The following PLEKHA5 variants were observed in gnomAD, a reference collection of about 807,000 sequenced individuals.
PLEKHA5 encodes pleckstrin homology domain containing A5, also known as pleckstrin homology domain-containing family A member 5.
PLEKHA5 carries 55 observed loss-of-function variants against 181.9 expected under a neutral mutation model. The ratio of observed to expected loss-of-function variants is 0.30; its 90% CI spans 0.24 to 0.38. PLEKHA5 has a LOEUF of 0.38. Ranked by LOEUF, PLEKHA5 falls within the 10% of genes least tolerant of loss-of-function variation. The probability of loss-of-function intolerance (pLI) is 1.00; values close to 1 mark genes in which losing one functional copy is unlikely to be tolerated. For synonymous variants in PLEKHA5, 535 were observed against 529.4 expected, an observed-to-expected ratio of 1.01 and a Z score of -0.15; for missense variants, 1,432 against 1,549.5, an observed-to-expected ratio of 0.92 and a Z score of 1.27.
In PLEKHA5 at chr12:19,322,538, G is replaced by GCT. The variant is rs2091135135; in HGVS notation, c.2320_2321dup (p.Ser775TyrfsTer7). ...AATAGTACACGCTTGAGCAAGCTTT[G>GCT]CTATCAGCCAGCCAAGAGATAGAAA... On this transcript the variant is annotated frameshift_variant, in exon 20 of 32. Coordinates refer to ENST00000429027, the MANE Select transcript of PLEKHA5 (RefSeq NM_001256470.2). LOFTEE classifies it high-confidence loss of function. 6.2e-7 allele frequency: 1 copy of GCT among 1,613,888 alleles called. No homozygotes were observed. The highest frequency in any genetic ancestry group is 8.5e-7 in the Non-Finnish European group (1 of 1,179,920).
chr12:19,287,652 G>T (rs1194707852), intron 13 of PLEKHA5, 96 bp downstream of exon 13: 12 of 724,970 alleles, frequency 1.7e-5, no homozygotes, highest in South Asian at 1.4e-4. Context: ...ATTTTCAGAG[G>T]TTCTCCCAAA....
chr12:19,261,818 A>G (rs74918539), intron 7 of PLEKHA5, among the ~76,000 whole-genome samples: 58 of 152,320 alleles, frequency 3.8e-4, no homozygotes, highest in Non-Finnish European at 6.9e-4. Context: ...CAGTTTCTAC[A>G]TTTTTTGACT....
intron 15 of PLEKHA5, among the ~76,000 whole-genome samples, chr12:19,311,080 A>G (rs1462860516): frequency 6.6e-6 from 1 of 151,956 alleles, no homozygotes; most frequent in Non-Finnish European, 1.5e-5. Context: ...TCACGAAAAC[A>G]TTTCTCTGTA....
At chr12:19,131,812 A>G (rs1255807012) in intron 2 of PLEKHA5, among the ~76,000 whole-genome samples, 3 of 152,172 alleles carry the variant, frequency 2.0e-5, no homozygotes, top group African/African-American at 4.8e-5. Flanking sequence ...CATAATGACC[A>G]TTGTTCACCT....
rs1592685902 is a variant in PLEKHA5 at position 19,375,559 on chromosome 12, A to G, written c.*40A>G. On this transcript the variant is annotated 3_prime_UTR_variant, in exon 32 of 32. Coordinates refer to ENST00000429027, the MANE Select transcript of PLEKHA5 (RefSeq NM_001256470.2). ...TACTGACTTCTGTTGAAACCATTCAAAGCTAAAGACATGGACCTTCAGCAG... is the reference window on the plus strand; with the variant it reads ...TACTGACTTCTGTTGAAACCATTCAGAGCTAAAGACATGGACCTTCAGCAG... 2 of 152,700 alleles carry G rather than the reference A, an allele frequency of 1.3e-5. No individual in the cohort carries two copies. The highest frequency in any genetic ancestry group is 1.3e-4 in the Admixed American group (2 of 15,280). 9.5% of individuals were successfully genotyped at this position (152,700 alleles called of 1,614,324 possible).
chr12:19,244,888 T>G (rs1244056077), intron 3 of PLEKHA5, among the ~76,000 whole-genome samples: 1 of 152,206 alleles, frequency 6.6e-6, no homozygotes, highest in Non-Finnish European at 1.5e-5. Flanking sequence ...AATTTCAATA[T>G]TCTTTTAAAA....
chr12:19,218,733 A>G (rs2058425175), intron 3 of PLEKHA5, among the ~76,000 whole-genome samples: 1 of 152,068 alleles, frequency 6.6e-6, no homozygotes, highest in South Asian at 2.1e-4. Context: ...CAGTTGATAG[A>G]AAGGTTGCCT....
chr12:19,130,304 A>T lies in PLEKHA5; in HGVS notation c.169+174A>T, dbSNP rs2033165231. On this transcript the variant is annotated intron_variant, in intron 2 of 31. Transcript: ENST00000429027. The surrounding 1 kb of genome is among the most constrained non-coding windows in gnomAD (Gnocchi z 4.5). ...GGGCCACGGGGACTCCGCCGCCGGG[A>T]GTTCTCTCCAGTCTCGGGGCGCCTC... 6.6e-6 allele frequency among the ~76,000 whole-genome samples: 1 copy of T among 151,736 alleles called. No individual in the cohort carries two copies. Among genetic ancestry groups the T allele is most frequent in the Admixed American group, 6.6e-5 (1 of 15,250 alleles).
chr12:19,284,179 C>T (rs1334443891), intron 12 of PLEKHA5, among the ~76,000 whole-genome samples: 1 of 152,158 alleles, frequency 6.6e-6, no homozygotes, highest in Admixed American at 6.5e-5. Context: ...AGCGATTCTC[C>T]TTCCTCAGCC....
chr12:19,375,199 C>T (rs2095687257), intron 31 of PLEKHA5, among the ~76,000 whole-genome samples: 1 of 151,942 alleles, frequency 6.6e-6, no homozygotes, highest in South Asian at 2.1e-4. Context: ...TGATATGTGC[C>T]TGTAATCCCA....
intron 3 of PLEKHA5, among the ~76,000 whole-genome samples, chr12:19,250,944 G>A (rs1046179942): frequency 2.0e-5 from 3 of 152,136 alleles, no homozygotes; most frequent in South Asian, 2.1e-4. Context: ...CTTCATTAGT[G>A]ACACATGGGA....
intron 21 of PLEKHA5, among the ~76,000 whole-genome samples, chr12:19,342,897 A>ACCTTTTTCT (rs1565640885): frequency 6.6e-6 from 1 of 152,094 alleles, no homozygotes; most frequent in Non-Finnish European, 1.5e-5. Context: ...AAGTTAGTAC[A>ACCTTTTTCT]CCTTCCATTT....
Position 19,345,047 on chromosome 12 carries a change from G to A in PLEKHA5, c.2663-795G>A, listed in dbSNP as rs763820603. 5.3e-5 allele frequency among the ~76,000 whole-genome samples: 8 copies of A among 151,786 alleles called. No homozygotes were observed. In the East Asian group the frequency reaches 1.2e-3, roughly 22 times the overall value. ...TGAGGCAAGAGAATCTCTTGAACCC[G>A]GGAGGCAGAGATCACGCCACTGCAC... is the stretch of plus-strand genomic sequence containing the variant. On this transcript the variant is annotated intron_variant, in intron 22 of 31. Coordinates refer to ENST00000429027, the MANE Select transcript of PLEKHA5 (RefSeq NM_001256470.2).
chr12:19,270,586 G>A (rs954377048), intron 10 of PLEKHA5, among the ~76,000 whole-genome samples: 1 of 152,104 alleles, frequency 6.6e-6, no homozygotes, highest in Non-Finnish European at 1.5e-5. Context: ...TTCCCTGCTT[G>A]AAGATACGAA....
chr12:19,231,592 A>G (rs1008082471), intron 3 of PLEKHA5, among the ~76,000 whole-genome samples: 2 of 87,666 alleles, frequency 2.3e-5, no homozygotes, highest in African/African-American at 1.1e-4. Context: ...ATATTTATAT[A>G]TGTACACATA....
intron 26 of PLEKHA5, among the ~76,000 whole-genome samples, chr12:19,356,662 C>CTT (rs57809332): frequency 0.035 from 3,513 of 99,776 alleles, 139 homozygotes; most frequent in Non-Finnish European, 0.043. Context: ...AGTTGTTTTT[C>CTT]TTTTTTTTTT....
chr12:19,287,014 T>C (rs2077363670), intron 12 of PLEKHA5, among the ~76,000 whole-genome samples: 2 of 152,112 alleles, frequency 1.3e-5, no homozygotes, highest in African/African-American at 4.8e-5. Flanking sequence ...TCATTATTTT[T>C]TTAGATGGAG....
intron 20 of PLEKHA5, among the ~76,000 whole-genome samples, chr12:19,324,416 A>G (rs1033441143): frequency 5.3e-5 from 8 of 152,136 alleles, no homozygotes; most frequent in Non-Finnish European, 1.0e-4. Context: ...CATTGTGAGT[A>G]TCTTGAAATA....
At chr12:19,297,584 T>TGCAGTCC (rs1354002483) in intron 15 of PLEKHA5, among the ~76,000 whole-genome samples, 1 of 141,020 alleles carries the variant, frequency 7.1e-6, no homozygotes, top group Non-Finnish European at 1.5e-5. Flanking sequence ...ATTGCGCCAC[T>TGCAGTCC]GCAGTCCGCA....
Sources: gnomAD v4.1 joint callset for allele counts (sites outside exome capture counted in the v4.1 genomes callset) on GRCh38, gnomAD v4.1.1 for gene constraint, Gnocchi (gnomAD v3.1) non-coding constraint, MANE v1.5 for transcripts, NCBI Gene and HGNC (gene_info 2026-07-23, HGNC 2026-07-21) for gene names.